GPR39: variants seen among roughly 807,000 people sequenced by gnomAD.
GPR39 encodes zinc sensing receptor.
Under a neutral mutation model 18.4 loss-of-function variants are expected in GPR39, and 23 were observed. That is an observed-to-expected ratio of 1.25 (90% CI 0.90 to 1.77). The LOEUF (loss-of-function observed/expected upper bound fraction) is 1.77, where lower values mean the gene tolerates loss of function less well. GPR39 is among the 40% of genes most tolerant of loss of function. GPR39 has a pLI of 0.00. For synonymous variants in GPR39, 280 were observed against 257.9 expected, an observed-to-expected ratio of 1.09 and a Z score of -0.82; for missense variants, 647 against 602.4, an observed-to-expected ratio of 1.07 and a Z score of -0.78.
intron 1 of GPR39, among the ~76,000 whole-genome samples, chr2:132,490,728 G>A (rs894084134): frequency 4.6e-5 from 7 of 151,194 alleles, no homozygotes; most frequent in African/African-American, 1.7e-4. Context: ...ACAGGGTGAG[G>A]GAGGTAGGGT....
At chr2:132,477,086 A>G (rs1681144631) in intron 1 of GPR39, among the ~76,000 whole-genome samples, 1 of 152,216 alleles carries the variant, frequency 6.6e-6, no homozygotes, top group African/African-American at 2.4e-5. Context: ...ATGCTATCCC[A>G]TCTGTTTTTA....
intron 1 of GPR39, among the ~76,000 whole-genome samples, chr2:132,481,310 A>G (rs1034598980): frequency 4.6e-5 from 7 of 152,188 alleles, no homozygotes; most frequent in Admixed American, 1.3e-4. Context: ...TTCCAAATCT[A>G]TGTTTCCACA....
intron 1 of GPR39, among the ~76,000 whole-genome samples, chr2:132,590,060 G>T (rs1680801238): frequency 6.6e-6 from 1 of 152,156 alleles, no homozygotes; most frequent in African/African-American, 2.4e-5. Flanking sequence ...TCATATAGTA[G>T]AATTAAACTT....
intron 1 of GPR39, among the ~76,000 whole-genome samples, chr2:132,567,596 T>G (rs1680373474): frequency 6.6e-6 from 1 of 152,162 alleles, no homozygotes; most frequent in Middle Eastern, 3.2e-3. Flanking sequence ...AGAAATTTCT[T>G]TTCTTTATAA....
intron 1 of GPR39, among the ~76,000 whole-genome samples, chr2:132,580,597 G>A (rs1194846001): frequency 6.6e-6 from 1 of 152,140 alleles, no homozygotes; most frequent in African/African-American, 2.4e-5. Context: ...CCCAAGCCAG[G>A]TATTAGAACC....
intron 1 of GPR39, among the ~76,000 whole-genome samples, chr2:132,565,752 A>G (rs911295170): frequency 1.4e-5 from 2 of 145,600 alleles, no homozygotes; most frequent in African/African-American, 5.1e-5. Context: ...ATGGCTGCAT[A>G]GTATTCCATG....
intron 1 of GPR39, among the ~76,000 whole-genome samples, chr2:132,467,227 G>A (rs1215482857): frequency 6.6e-6 from 1 of 152,202 alleles, no homozygotes; most frequent in African/African-American, 2.4e-5. Flanking sequence ...CAGAGCACTG[G>A]CTCCTGTGGG....
chr2:132,421,573 C>A (rs908123066), intron 1 of GPR39, among the ~76,000 whole-genome samples: 1 of 152,276 alleles, frequency 6.6e-6, no homozygotes, highest in African/African-American at 2.4e-5. Context: ...GAAGAAGTTA[C>A]ATCTAGTGGC....
chr2:132,578,508 TG>T (rs895990908), intron 1 of GPR39, among the ~76,000 whole-genome samples: 3 of 152,026 alleles, frequency 2.0e-5, no homozygotes, highest in African/African-American at 4.8e-5. Flanking sequence ...TGGATTTTGG[TG>T]GGGGGAGATT....
Position 132,645,951 on chromosome 2 carries a change from A to C in GPR39, c.*345A>C. The stretch of plus-strand genomic sequence containing the variant: ...GGACTCCCGCTCCCTACCCAGAATA[A>C]AAGGACACCCAGAAGAAACTCACTC... On this transcript the variant is annotated 3_prime_UTR_variant, in exon 2 of 2. Coordinates refer to ENST00000329321, the MANE Select transcript of GPR39 (RefSeq NM_001508.3). 1.1e-6 allele frequency: 1 copy of C among 945,198 alleles called. No homozygotes were observed. Among genetic ancestry groups the C allele is most frequent in the Non-Finnish European group, 1.6e-6 (1 of 641,126 alleles). The allele number at this position is 945,198 out of a possible 1,614,324, so 58.6% of individuals were successfully genotyped here.
intron 1 of GPR39, among the ~76,000 whole-genome samples, chr2:132,583,359 C>T (rs4954344): frequency 0.27 from 41,128 of 151,012 alleles, 6,981 homozygotes; most frequent in East Asian, 0.76. Flanking sequence ...AGTGAGATCC[C>T]CCCAACAAAT....
chr2:132,451,270 A>C (rs939719045), intron 1 of GPR39, among the ~76,000 whole-genome samples: 1 of 151,338 alleles, frequency 6.6e-6, no homozygotes, highest in African/African-American at 2.4e-5. Context: ...CTCTCCCATT[A>C]CTCTCTATTT....
intron 1 of GPR39, among the ~76,000 whole-genome samples, chr2:132,597,683 C>CATTATA (rs1680970335): frequency 6.6e-6 from 1 of 152,180 alleles, no homozygotes; most frequent in Non-Finnish European, 1.5e-5. Context: ...TGTAGTCTCA[C>CATTATA]CATTGTATAA....
chr2:132,430,785 C>T (rs776918761), intron 1 of GPR39, among the ~76,000 whole-genome samples: 3 of 152,160 alleles, frequency 2.0e-5, no homozygotes, highest in South Asian at 2.1e-4. Flanking sequence ...CCCAGGAGAG[C>T]GGGTTACAGA....
At chr2:132,462,851 A>T (rs748140947) in intron 1 of GPR39, among the ~76,000 whole-genome samples, 1 of 152,194 alleles carries the variant, frequency 6.6e-6, no homozygotes, top group Non-Finnish European at 1.5e-5. Context: ...ATACAGATAA[A>T]GCATTTAGAA....
Position 132,499,455 on chromosome 2 carries a change from C to T in GPR39, c.856+81557C>T, listed in dbSNP as rs565329042. Among the ~76,000 whole-genome samples the T allele has an allele frequency of 3.3e-5, 5 of 152,116 alleles. No homozygotes were observed. The South Asian group carries it at 1.0e-3, about 32-fold the overall frequency. On this transcript the variant is annotated intron_variant, in intron 1 of 1. Coordinates refer to ENST00000329321, the MANE Select transcript of GPR39 (RefSeq NM_001508.3). ...TTCCATGCTGTTTTGGTGACTATGG[C>T]CTTATAGTGTGAAGTTGGGGGGTGT... is the stretch of plus-strand genomic sequence containing the variant.
At chr2:132,526,641 C>A (rs1050488378) in intron 1 of GPR39, among the ~76,000 whole-genome samples, 3 of 152,234 alleles carry the variant, frequency 2.0e-5, no homozygotes, top group Non-Finnish European at 4.4e-5. Flanking sequence ...ATACCCCACA[C>A]TGCCCATCCC....
At chr2:132,607,353 A>G (rs920158419) in intron 1 of GPR39, among the ~76,000 whole-genome samples, 20 of 152,120 alleles carry the variant, frequency 1.3e-4, no homozygotes, top group African/African-American at 4.3e-4. Context: ...TATTGGGTTG[A>G]TCATAAAGTC....
At chr2:132,481,543 T>TC (rs1056496408) in intron 1 of GPR39, among the ~76,000 whole-genome samples, 4 of 152,198 alleles carry the variant, frequency 2.6e-5, no homozygotes, top group Admixed American at 2.0e-4. Flanking sequence ...TTCTGTCACT[T>TC]ATGTCAGAAA....
Sources: gnomAD v4.1 joint callset for allele counts (sites outside exome capture counted in the v4.1 genomes callset) on GRCh38, gnomAD v4.1.1 for gene constraint, MANE v1.5 for transcripts, NCBI Gene and HGNC (gene_info 2026-07-23, HGNC 2026-07-21) for gene names.